Variants in TRPC7 observed in about 807,000 individuals in gnomAD.
The protein encoded by TRPC7 is transient receptor potential cation channel subfamily C member 7, also known as short transient receptor potential channel 7.
In TRPC7, 42 loss-of-function variants were observed where a neutral mutation model predicts 90.1. That is an observed-to-expected ratio of 0.47 (90% CI 0.36 to 0.60). The LOEUF (loss-of-function observed/expected upper bound fraction) is 0.60, where lower values mean the gene tolerates loss of function less well. TRPC7 is among the 20% of genes least tolerant of loss of function. TRPC7 has a pLI of 0.00. For missense variants in TRPC7, 955 were observed against 1,112.3 expected, an observed-to-expected ratio of 0.86 and a Z score of 2.01; for synonymous variants, 451 against 436.3, an observed-to-expected ratio of 1.03 and a Z score of -0.42.
chr5:136,257,364 G>T (rs1457994272), intron 5 of TRPC7, among the ~76,000 whole-genome samples: 1 of 151,876 alleles, frequency 6.6e-6, no homozygotes, highest in Non-Finnish European at 1.5e-5. Context: ...TGTATTTTTA[G>T]TAGAGACGAG....
chr5:136,266,277 T>G lies in TRPC7; in HGVS notation c.1288A>C (p.Arg430=), dbSNP rs1757025612. 1.2e-6 allele frequency: 2 copies of G among 1,613,856 alleles called. No homozygotes were observed. Among genetic ancestry groups the G allele is most frequent in the African/African-American group, 2.7e-5 (2 of 74,940 alleles). The change falls in exon 5 of 12, where the codon AGA becomes CGA. Residue 430 remains arginine, a synonymous_variant. Coordinates refer to ENST00000513104, the MANE Select transcript of TRPC7 (RefSeq NM_020389.3). ...CAGGAGAACTGTGTGGTTTTCACTC[T>G]GAAGATTTGTTTTGGGTAGTCTGTG... is the stretch of plus-strand genomic sequence containing the variant. ...TFTDYPKQIF[R]VKTTQFSWTE... is the part of the protein sequence containing the mutation.
chr5:136,265,933 C>T (rs183151200), intron 5 of TRPC7, among the ~76,000 whole-genome samples: 36 of 152,184 alleles, frequency 2.4e-4, no homozygotes, highest in Admixed American at 9.2e-4. Context: ...TAATATGTTT[C>T]CCCATGAAAC....
At chr5:136,304,778 G>C (rs887939849) in intron 3 of TRPC7, among the ~76,000 whole-genome samples, 4 of 152,048 alleles carry the variant, frequency 2.6e-5, no homozygotes, top group Non-Finnish European at 5.9e-5. Flanking sequence ...TGCTCTCCCT[G>C]CTAATCATGT....
At chr5:136,259,676 C>T (rs185668968) in intron 5 of TRPC7, among the ~76,000 whole-genome samples, 1 of 152,340 alleles carries the variant, frequency 6.6e-6, no homozygotes, top group East Asian at 1.9e-4. Flanking sequence ...CCCAGAATCA[C>T]TGCTTATAAT....
At chr5:136,329,365 A>C (rs1759432151) in intron 2 of TRPC7, among the ~76,000 whole-genome samples, 1 of 152,196 alleles carries the variant, frequency 6.6e-6, no homozygotes, top group Non-Finnish European at 1.5e-5. Flanking sequence ...CTTGCTCTGA[A>C]GGGTCTCAGA....
At chr5:136,273,330 A>T (rs771545939) in intron 4 of TRPC7, among the ~76,000 whole-genome samples, 1 of 152,206 alleles carries the variant, frequency 6.6e-6, no homozygotes. Context: ...GGACAGAAAA[A>T]AATTGCCTTT....
intron 3 of TRPC7, among the ~76,000 whole-genome samples, chr5:136,281,290 C>G (rs1312977890): frequency 1.3e-5 from 2 of 152,180 alleles, no homozygotes; most frequent in African/African-American, 4.8e-5. Context: ...CTGTCTTCTA[C>G]ATATAGAGAA....
At chr5:136,329,047 G>A (rs1193415531) in intron 2 of TRPC7, among the ~76,000 whole-genome samples, 3 of 152,218 alleles carry the variant, frequency 2.0e-5, no homozygotes, top group Non-Finnish European at 4.4e-5. Flanking sequence ...TGCTTCTGCT[G>A]GCACATTGGT....
At chr5:136,347,908 C>T (rs182067883) in intron 2 of TRPC7, among the ~76,000 whole-genome samples, 10 of 152,312 alleles carry the variant, frequency 6.6e-5, no homozygotes, top group East Asian at 5.8e-4. Flanking sequence ...AAAGACAAAA[C>T]GGTGGTCCTG....
intron 4 of TRPC7, among the ~76,000 whole-genome samples, chr5:136,274,450 AATTTTATTG>A (rs1262422553): frequency 6.6e-6 from 1 of 152,138 alleles, no homozygotes; most frequent in African/African-American, 2.4e-5. Flanking sequence ...TCGTGTTTAA[AATTTTATTG>A]CTCCTCTCTC....
intron 7 of TRPC7, among the ~76,000 whole-genome samples, chr5:136,237,957 G>A (rs910708800): frequency 2.0e-5 from 3 of 152,104 alleles, no homozygotes; most frequent in Non-Finnish European, 2.9e-5. Context: ...ATCACCCAGC[G>A]CAGGCCCTCA....
At chr5:136,220,586 G>A (rs920491784) in intron 10 of TRPC7, among the ~76,000 whole-genome samples, 1 of 152,186 alleles carries the variant, frequency 6.6e-6, no homozygotes. Context: ...TGTTGTTTAA[G>A]ATGTTTATCA....
rs549693024 is a variant in TRPC7, at chr5:136,293,985, T to C, written c.964-19148A>G. Among the ~76,000 whole-genome samples the C allele has an allele frequency of 5.3e-5, 8 of 152,172 alleles. No individual in the cohort carries two copies. In the South Asian group the frequency reaches 1.7e-3, roughly 32 times the overall value. ...AGAACAGAGCCCTCAGAAATAATGCTGCATATCTACAACTATCTGATCTTT... is the reference window on the plus strand; with the variant it reads ...AGAACAGAGCCCTCAGAAATAATGCCGCATATCTACAACTATCTGATCTTT... On this transcript the variant is annotated intron_variant, in intron 3 of 11. Coordinates refer to ENST00000513104, the MANE Select transcript of TRPC7 (RefSeq NM_020389.3).
At chr5:136,356,367 A>G (rs1460526884) in intron 2 of TRPC7, among the ~76,000 whole-genome samples, 1 of 152,164 alleles carries the variant, frequency 6.6e-6, no homozygotes, top group African/African-American at 2.4e-5. Context: ...TACTGCATGC[A>G]TTTGTACTCA....
rs149214415 is a variant in TRPC7, at chr5:136,264,685, T to C, written c.1345+1535A>G. Among the ~76,000 whole-genome samples the C allele has an allele frequency of 6.2e-3, 936 of 152,062 alleles. 9 individuals are homozygous for C. The highest frequency in any genetic ancestry group is 0.021 in the African/African-American group (856 of 41,490). ...TCCGCTCATCGAAACCTCTGCCTTCTGGGTTCAAGCGATACTCCTGCCTTA... is the reference window on the plus strand; with the variant it reads ...TCCGCTCATCGAAACCTCTGCCTTCCGGGTTCAAGCGATACTCCTGCCTTA... On this transcript the variant is annotated intron_variant, in intron 5 of 11. Transcript: ENST00000513104.
chr5:136,365,430 T>C lies in TRPC7; in HGVS notation c.-176A>G. The C allele has an allele frequency of 1.5e-6, 1 of 660,876 alleles. No homozygotes were observed. Among genetic ancestry groups the C allele is most frequent in the East Asian group, 2.7e-5 (1 of 36,802 alleles). 40.9% of individuals were successfully genotyped at this position (660,876 alleles called of 1,614,324 possible). ...ACGATGTGAAAGCGCGCTCCTCTGTTCTTTGTGTTGCAGTGGTAAAAACTC... is the reference window on the plus strand; with the variant it reads ...ACGATGTGAAAGCGCGCTCCTCTGTCCTTTGTGTTGCAGTGGTAAAAACTC... On this transcript the variant is annotated 5_prime_UTR_variant, in exon 1 of 12. Transcript: ENST00000513104.
At chr5:136,243,002 C>A (rs967243203) in intron 7 of TRPC7, among the ~76,000 whole-genome samples, 2 of 152,134 alleles carry the variant, frequency 1.3e-5, no homozygotes, top group African/African-American at 4.8e-5. Flanking sequence ...CTGGGAGTGG[C>A]CGGAGGGAGG....
chr5:136,215,656 A>G (rs1308704818), intron 11 of TRPC7, among the ~76,000 whole-genome samples: 2 of 152,038 alleles, frequency 1.3e-5, no homozygotes, highest in Non-Finnish European at 2.9e-5. Flanking sequence ...CCCCATCTCT[A>G]CTAAAAAAAT....
At chr5:136,328,295 T>C (rs1759404329) in intron 2 of TRPC7, among the ~76,000 whole-genome samples, 1 of 152,200 alleles carries the variant, frequency 6.6e-6, no homozygotes, top group Non-Finnish European at 1.5e-5. Context: ...AGTGATCCCC[T>C]GAGAGGTCTG....
Sources: gnomAD v4.1 joint callset for allele counts (sites outside exome capture counted in the v4.1 genomes callset) on GRCh38, gnomAD v4.1.1 for gene constraint, MANE v1.5 for transcripts, NCBI Gene and HGNC (gene_info 2026-07-23, HGNC 2026-07-21) for gene names.